UBR1: variants seen among roughly 807,000 people sequenced by gnomAD.
UBR1 encodes E3 ubiquitin-protein ligase UBR1.
In UBR1, 102 loss-of-function variants were observed where a neutral mutation model predicts 242.1. That is an observed-to-expected ratio of 0.42 (90% CI 0.36 to 0.50). The LOEUF (loss-of-function observed/expected upper bound fraction) is 0.50, where lower values mean the gene tolerates loss of function less well. UBR1 is among the 20% of genes least tolerant of loss of function. The pLI, the probability that UBR1 is intolerant of heterozygous loss-of-function variation, is 0.01. For synonymous variants in UBR1, 675 were observed against 684.8 expected, an observed-to-expected ratio of 0.99 and a Z score of 0.22; for missense variants, 1,772 against 2,101.8, an observed-to-expected ratio of 0.84 and a Z score of 3.07.
chr15:43,080,271 C>T (rs151144165), intron 3 of UBR1, among the ~76,000 whole-genome samples: 76 of 152,118 alleles, frequency 5.0e-4, no homozygotes, highest in African/African-American at 1.8e-3. Context: ...TTAAACTAAC[C>T]ATCTAAAAAT....
At chr15:42,994,924 G>C (rs904293574) in intron 33 of UBR1, among the ~76,000 whole-genome samples, 1 of 152,164 alleles carries the variant, frequency 6.6e-6, no homozygotes, top group Non-Finnish European at 1.5e-5. Context: ...ATAAATGCTA[G>C]TCACTTGCTC....
At chr15:43,043,929 G>T (rs1349393715) in intron 14 of UBR1, among the ~76,000 whole-genome samples, 1 of 152,012 alleles carries the variant, frequency 6.6e-6, no homozygotes, top group Non-Finnish European at 1.5e-5. Flanking sequence ...GCTCTAAGAG[G>T]GGGGAAAAAA....
chr15:43,001,941 T>C (rs1289424948), intron 32 of UBR1, among the ~76,000 whole-genome samples: 1 of 152,206 alleles, frequency 6.6e-6, no homozygotes, highest in Non-Finnish European at 1.5e-5. Flanking sequence ...AAGGGCCATA[T>C]GAAAGGAATG....
At chr15:43,048,298 T>G (rs1437189122) in intron 13 of UBR1, 94 bp downstream of exon 13, 2 of 913,464 alleles carry the variant, frequency 2.2e-6, no homozygotes, top group African/African-American at 3.4e-5. Context: ...GATAAATTCT[T>G]TCTTGTATTA....
rs551889888 is a variant in UBR1, at chr15:43,014,393, T to G, written c.3209+1295A>C. On this transcript the variant is annotated intron_variant, in intron 29 of 46. Coordinates refer to ENST00000290650, the MANE Select transcript of UBR1 (RefSeq NM_174916.3). ...CTGCCTGGCTGCCCAGTCTGGAAAG[T>G]GAGGAGCATCTCTGCCCGGCCGCCA... is the stretch of plus-strand genomic sequence containing the variant. Among the ~76,000 whole-genome samples the G allele has an allele frequency of 3.3e-5, 5 of 149,374 alleles. No homozygotes were observed. In the South Asian group the frequency reaches 1.1e-3, roughly 32 times the overall value.
chr15:43,058,483 AC>A, intron 9 of UBR1, 54 bp from the exon 10 acceptor site: 1 of 1,281,286 alleles, frequency 7.8e-7, no homozygotes, highest in Non-Finnish European at 1.1e-6. Flanking sequence ...CAAGGCAAAA[AC>A]CAAAAACATT....
chr15:43,048,187 GAAAA>G (rs79911143), intron 13 of UBR1, among the ~76,000 whole-genome samples: 4 of 126,956 alleles, frequency 3.2e-5, no homozygotes, highest in Non-Finnish European at 6.7e-5. Context: ...CTCTGTCTTC[GAAAA>G]AAAAAAAAAA....
intron 29 of UBR1, among the ~76,000 whole-genome samples, chr15:43,014,979 G>T (rs892829282): frequency 6.6e-6 from 1 of 151,132 alleles, no homozygotes; most frequent in Admixed American, 6.6e-5. Context: ...GAGGTGGGGG[G>T]TCAGCCCCCG....
At chr15:42,983,859 T>C (rs1444030721) in intron 37 of UBR1, 38 bp downstream of exon 37, 1 of 1,230,552 alleles carries the variant, frequency 8.1e-7, no homozygotes, top group Admixed American at 2.5e-5. Context: ...GATATATAAA[T>C]AATATAATAC....
chr15:43,077,133 G>C (rs1368739192), intron 3 of UBR1, among the ~76,000 whole-genome samples: 14 of 138,978 alleles, frequency 1.0e-4, no homozygotes, highest in African/African-American at 3.7e-4. Context: ...GCCCGGCCAC[G>C]ACCCCGTCTG....
intron 2 of UBR1, 46 bp from the exon 3 acceptor site, chr15:43,082,762 C>T (rs1161104706): frequency 1.4e-6 from 2 of 1,393,400 alleles, no homozygotes; most frequent in South Asian, 2.3e-5. Context: ...ATGACTCCCA[C>T]TGATGCTCAA....
rs1015374908 is a variant in UBR1, at chr15:42,963,947, G to T, written c.4688C>A (p.Pro1563His). ...ATCCCCATAGTACCTCTGGAGCAAG[G>T]GCCTTACAGTATCCCAATATTCCTG... is the stretch of plus-strand genomic sequence containing the variant. ...LFQEYWDTVR[P>H]LLQRWCADPA... The change falls in exon 42 of 47, where the codon CCC (proline) becomes CAC (histidine). Residue 1563 changes from proline to histidine, a missense_variant. Around this residue, in one of 3 missense-constraint regions of UBR1, gnomAD observed 965 missense variants for 1,079.7 expected, o/e 0.89. Transcript: ENST00000290650. 3.7e-6 allele frequency: 6 copies of T among 1,610,798 alleles called. No homozygotes were observed. Among genetic ancestry groups the T allele is most frequent in the Non-Finnish European group, 5.1e-6 (6 of 1,177,418 alleles).
At chr15:43,054,078 A>G (rs2033588096) in intron 12 of UBR1, among the ~76,000 whole-genome samples, 2 of 152,230 alleles carry the variant, frequency 1.3e-5, no homozygotes, top group South Asian at 4.1e-4. Flanking sequence ...AGCCAGCCGC[A>G]GTAGCTCATG....
chr15:42,954,121 G>C (rs999440454), intron 44 of UBR1, among the ~76,000 whole-genome samples: 1 of 152,114 alleles, frequency 6.6e-6, no homozygotes, highest in Non-Finnish European at 1.5e-5. Flanking sequence ...CTGAGTTCAA[G>C]AGATTCACCC....
intron 36 of UBR1, among the ~76,000 whole-genome samples, 161 bp from the exon 37 acceptor site, chr15:42,984,154 C>T (rs1251817199): frequency 6.6e-6 from 1 of 152,148 alleles, no homozygotes; most frequent in Admixed American, 6.5e-5. Context: ...ATTCTTAATA[C>T]CTGTACAAGG....
intron 40 of UBR1, among the ~76,000 whole-genome samples, chr15:42,967,640 T>G (rs2032130239): frequency 6.6e-6 from 1 of 152,066 alleles, no homozygotes; most frequent in Admixed American, 6.6e-5. Flanking sequence ...TGTATTAATA[T>G]TGGTTAGTCA....
At chr15:42,949,499 A>G (rs768810742) in intron 46 of UBR1, among the ~76,000 whole-genome samples, 53 of 152,038 alleles carry the variant, frequency 3.5e-4, no homozygotes, top group Non-Finnish European at 5.6e-4. Flanking sequence ...ATTTGAAGCC[A>G]TTTAAAAGAT....
At chr15:43,053,761 T>A (rs2033583236) in intron 12 of UBR1, among the ~76,000 whole-genome samples, 1 of 151,758 alleles carries the variant, frequency 6.6e-6, no homozygotes, top group Non-Finnish European at 1.5e-5. Flanking sequence ...CCTGGCTAAT[T>A]TTTATTTTTA....
At chr15:43,088,349 C>CGATA (rs2034063812) in intron 1 of UBR1, among the ~76,000 whole-genome samples, 1 of 152,108 alleles carries the variant, frequency 6.6e-6, no homozygotes, top group Non-Finnish European at 1.5e-5. Context: ...AAAGGTATAT[C>CGATA]CACTGTGGTA....
Sources: gnomAD v4.1 joint callset for allele counts (sites outside exome capture counted in the v4.1 genomes callset) on GRCh38, gnomAD v4.1.1 for gene constraint, gnomAD v4.1.1 regional missense constraint, MANE v1.5 for transcripts, NCBI Gene and HGNC (gene_info 2026-07-23, HGNC 2026-07-21) for gene names.